The following MBD5 variants were observed in gnomAD, a reference collection of about 807,000 sequenced individuals.
The protein encoded by MBD5 is methyl-CpG binding domain protein 5.
In MBD5, 13 loss-of-function variants were observed where a neutral mutation model predicts 117.3. The observed-to-expected ratio is 0.11, with a 90% confidence interval of 0.07 to 0.18. MBD5 has a LOEUF of 0.18. Ranked by LOEUF, MBD5 falls within the 10% of genes least tolerant of loss-of-function variation. MBD5 has a pLI of 1.00. For synonymous variants in MBD5, 727 were observed against 766.4 expected (o/e 0.95, Z 0.85); for missense variants, 1,879 against 2,093.8 (o/e 0.90, Z 2.00).
intron 1 of MBD5, among the ~76,000 whole-genome samples, chr2:148,067,439 A>G (rs1481518501): frequency 6.6e-6 from 1 of 152,230 alleles, no homozygotes; most frequent in East Asian, 1.9e-4. Flanking sequence ...ATTTGCCAAG[A>G]CATAAAATTT....
intron 1 of MBD5, among the ~76,000 whole-genome samples, chr2:148,079,324 G>GA (rs1695584422): frequency 6.6e-6 from 1 of 152,168 alleles, no homozygotes; most frequent in Admixed American, 6.5e-5. Flanking sequence ...TGTTTTACAG[G>GA]ATGATAGTAG....
At chr2:148,266,381 G>C (rs2106323729) in intron 3 of MBD5, among the ~76,000 whole-genome samples, 1 of 152,042 alleles carries the variant, frequency 6.6e-6, no homozygotes, top group East Asian at 1.9e-4. Flanking sequence ...TTAGGAATAG[G>C]AGGACAATTT....
intron 1 of MBD5, among the ~76,000 whole-genome samples, chr2:148,141,912 G>T (rs1207158615): frequency 6.6e-6 from 1 of 152,072 alleles, no homozygotes; most frequent in East Asian, 1.9e-4. Context: ...GGAATTCAAG[G>T]CTGCCATGAC....
chr2:148,034,961 A>G (rs1399139083), intron 1 of MBD5, among the ~76,000 whole-genome samples: 1 of 152,204 alleles, frequency 6.6e-6, no homozygotes, highest in African/African-American at 2.4e-5. Flanking sequence ...TAGACTGAAT[A>G]CTACAATATA....
At chr2:148,448,565 CT>C (rs1706635188) in intron 4 of MBD5, among the ~76,000 whole-genome samples, 1 of 151,788 alleles carries the variant, frequency 6.6e-6, no homozygotes, top group Non-Finnish European at 1.5e-5. Context: ...GTATAAATTA[CT>C]TTACCTCTGT....
intron 3 of MBD5, among the ~76,000 whole-genome samples, chr2:148,268,703 A>C (rs931273097): frequency 2.6e-5 from 4 of 151,702 alleles, no homozygotes; most frequent in Non-Finnish European, 5.9e-5. Context: ...GATATTGGAC[A>C]TTATAAAAAA....
chr2:148,199,300 G>T (rs1158442291), intron 2 of MBD5, among the ~76,000 whole-genome samples: 1 of 151,996 alleles, frequency 6.6e-6, no homozygotes, highest in Non-Finnish European at 1.5e-5. Flanking sequence ...GAATAACCGG[G>T]TACTCTAGCC....
intron 4 of MBD5, among the ~76,000 whole-genome samples, chr2:148,375,879 G>T (rs748087573): frequency 4.6e-5 from 7 of 151,874 alleles, no homozygotes; most frequent in South Asian, 2.1e-4. Context: ...AATGTTAGCT[G>T]CTCTGACTAT....
intron 1 of MBD5, among the ~76,000 whole-genome samples, chr2:148,119,316 G>C (rs1162037667): frequency 6.6e-6 from 1 of 151,892 alleles, no homozygotes; most frequent in Non-Finnish European, 1.5e-5. Flanking sequence ...AACTTCTTTG[G>C]AGAAATGTCT....
At chr2:148,240,232 A>C (rs1700184705) in intron 3 of MBD5, among the ~76,000 whole-genome samples, 1 of 152,122 alleles carries the variant, frequency 6.6e-6, no homozygotes, top group Non-Finnish European at 1.5e-5. Flanking sequence ...ACGCTTGGAC[A>C]CAGGGTGGGG....
chr2:148,446,643 A>G (rs1706539287), intron 4 of MBD5, among the ~76,000 whole-genome samples: 1 of 105,380 alleles, frequency 9.5e-6, no homozygotes, highest in African/African-American at 3.2e-5. Flanking sequence ...AAACTGAAAT[A>G]CTTGAGCTTG....
chr2:148,236,884 C>T (rs1395500054), intron 3 of MBD5, among the ~76,000 whole-genome samples: 2 of 152,190 alleles, frequency 1.3e-5, no homozygotes, highest in African/African-American at 2.4e-5. Flanking sequence ...AGCATAGTCA[C>T]CTTCATCAAT....
intron 2 of MBD5, among the ~76,000 whole-genome samples, chr2:148,223,292 G>A (rs996803031): frequency 1.3e-5 from 2 of 151,988 alleles, no homozygotes; most frequent in African/African-American, 2.4e-5. Context: ...GAATGAGTTT[G>A]GAAGTATTCC....
At chr2:148,101,490 A>C (rs1486015418) in intron 1 of MBD5, among the ~76,000 whole-genome samples, 1 of 152,144 alleles carries the variant, frequency 6.6e-6, no homozygotes, top group Non-Finnish European at 1.5e-5. Flanking sequence ...TATGGTTCCA[A>C]TGGAAATCAA....
At chr2:148,313,502 G>A (rs779487821) in intron 3 of MBD5, among the ~76,000 whole-genome samples, 10 of 152,106 alleles carry the variant, frequency 6.6e-5, no homozygotes, top group Non-Finnish European at 1.3e-4. Context: ...CTCCAAGCTC[G>A]AGCCTCCCAG....
chr2:148,041,931 CTTT>C lies in MBD5; in HGVS notation c.-925+20249_-925+20251del, dbSNP rs1464130574. On this transcript the variant is annotated intron_variant, in intron 1 of 13. Coordinates refer to ENST00000642680, the MANE Select transcript of MBD5 (RefSeq NM_001378120.1). Reference sequence around the variant, plus strand: ...AAATCTTCTCAGAGCATTGTATGGTCTTTTAACAAGTTAAAGCCATCTTTATCC... The same window carrying C: ...AAATCTTCTCAGAGCATTGTATGGTCTAACAAGTTAAAGCCATCTTTATCC... 2.0e-5 allele frequency among the ~76,000 whole-genome samples: 3 copies of C among 152,254 alleles called. No individual in the cohort carries two copies. The East Asian group carries it at 5.8e-4, about 29-fold the overall frequency.
Position 148,279,089 on chromosome 2 carries a change from C to T in MBD5, c.-680+45694C>T, listed in dbSNP as rs369464161. The stretch of plus-strand genomic sequence containing the variant: ...TTCCACCAACTCACATGCCAGTCTC[C>T]TCTGGGAACACCATCACAAACACAC... On this transcript the variant is annotated intron_variant, in intron 3 of 13. Coordinates refer to ENST00000642680, the MANE Select transcript of MBD5 (RefSeq NM_001378120.1). Among the ~76,000 whole-genome samples the T allele has an allele frequency of 1.9e-4, 29 of 152,286 alleles. 1 individual carries two copies. In the East Asian group the frequency reaches 5.2e-3, roughly 27 times the overall value.
At chr2:148,475,199 G>A (rs558441735) in intron 8 of MBD5, among the ~76,000 whole-genome samples, 3 of 152,232 alleles carry the variant, frequency 2.0e-5, no homozygotes, top group Admixed American at 2.0e-4. Context: ...CCCCCAATCA[G>A]ATGCACAAAG....
intron 2 of MBD5, among the ~76,000 whole-genome samples, chr2:148,219,169 G>C (rs930306439): frequency 2.0e-5 from 3 of 151,766 alleles, no homozygotes; most frequent in Non-Finnish European, 4.4e-5. Context: ...TTTAAACTTT[G>C]TTGTTAAAAA....
Sources: gnomAD v4.1 joint callset for allele counts (sites outside exome capture counted in the v4.1 genomes callset) on GRCh38, gnomAD v4.1.1 for gene constraint, MANE v1.5 for transcripts, NCBI Gene and HGNC (gene_info 2026-07-23, HGNC 2026-07-21) for gene names.